PROX1: variants seen among roughly 807,000 people sequenced by gnomAD.
PROX1 encodes the protein prospero homeobox protein 1.
Under a neutral mutation model 58.8 loss-of-function variants are expected in PROX1, and 7 were observed. The observed-to-expected ratio is 0.12, with a 90% confidence interval of 0.07 to 0.22. The LOEUF is 0.22. PROX1 is among the 10% of genes least tolerant of loss of function. The pLI is 1.00. For missense variants in PROX1, 675 were observed against 927.8 expected (o/e 0.73, Z 3.54); for synonymous variants, 350 against 358.3 (o/e 0.98, Z 0.26).
At chr1:213,996,119 T>C (rs2102692288) in intron 1 of PROX1, among the ~76,000 whole-genome samples, 1 of 152,294 alleles carries the variant, frequency 6.6e-6, no homozygotes, top group African/African-American at 2.4e-5. Flanking sequence ...AATATGAATC[T>C]CAATGCCCAA....
chr1:214,017,729 C>T (rs755406326), intron 4 of PROX1, among the ~76,000 whole-genome samples: 2 of 152,120 alleles, frequency 1.3e-5, no homozygotes, highest in Non-Finnish European at 2.9e-5. Flanking sequence ...CGGCTGTACC[C>T]CAACAGGCGA....
At chr1:214,018,286 A>T (rs1401936739) in intron 4 of PROX1, among the ~76,000 whole-genome samples, 1 of 152,226 alleles carries the variant, frequency 6.6e-6, no homozygotes, top group East Asian at 1.9e-4. Context: ...CTGCTCTTAA[A>T]TACATCAATA....
Position 214,035,862 on chromosome 1 carries a change from T to A in PROX1, c.*28T>A. 6.3e-7 allele frequency: 1 copy of A among 1,591,662 alleles called. No homozygotes were observed. Among genetic ancestry groups the A allele is most frequent in the Non-Finnish European group, 8.6e-7 (1 of 1,166,130 alleles). On this transcript the variant is annotated 3_prime_UTR_variant, in exon 5 of 5. Transcript: ENST00000366958. The stretch of plus-strand genomic sequence containing the variant: ...ATTTCAACAACTCTTTTTGAATGTA[T>A]GAAGAGTAGCAGTCCCCTTTGGATG...
At chr1:214,023,296 T>A (rs1664345927) in intron 4 of PROX1, among the ~76,000 whole-genome samples, 1 of 152,198 alleles carries the variant, frequency 6.6e-6, no homozygotes, top group Non-Finnish European at 1.5e-5. Context: ...TTAACTTCTA[T>A]ATAATGTACG....
At chr1:213,987,456 C>G (rs562521290), upstream of PROX1, 1 of 149,270 alleles carries the variant, frequency 6.7e-6, no homozygotes, top group Non-Finnish European at 1.5e-5. Flanking sequence ...CTTTTTCTCC[C>G]GTATACTTTT....
In PROX1 at chr1:214,038,124, G is replaced by A. The variant is rs1664889596; in HGVS notation, c.*2290G>A. On this transcript the variant is annotated 3_prime_UTR_variant, in exon 5 of 5. Transcript: ENST00000366958. ...TTCCCCTCCCTTTCTAATTTAAATA[G>A]ACAAATTAAGCAAAAGTGTGTGTTC... 1 of 152,032 alleles carries A rather than the reference G, an allele frequency of 6.6e-6. No homozygotes were observed. Among genetic ancestry groups the A allele is most frequent in the Non-Finnish European group, 1.5e-5 (1 of 68,018 alleles). 9.4% of individuals were successfully genotyped at this position (152,032 alleles called of 1,614,324 possible).
chr1:213,994,055 G>A (rs1663135094), intron 1 of PROX1, among the ~76,000 whole-genome samples: 1 of 152,188 alleles, frequency 6.6e-6, no homozygotes, highest in African/African-American at 2.4e-5. Context: ...TGCAGCTGTT[G>A]ATACCTAGGC....
chr1:213,992,877 T>C (rs1182313998), intron 1 of PROX1, among the ~76,000 whole-genome samples: 3 of 152,192 alleles, frequency 2.0e-5, no homozygotes, highest in Non-Finnish European at 2.9e-5. Context: ...GCTGCAGTGT[T>C]CCTTTGAAAT....
intron 1 of PROX1, among the ~76,000 whole-genome samples, chr1:213,989,160 G>C (rs998684813): frequency 6.6e-6 from 1 of 152,042 alleles, no homozygotes; most frequent in Non-Finnish European, 1.5e-5. Context: ...GAGGGAGGTG[G>C]GGGGGCGCTC....
intron 4 of PROX1, among the ~76,000 whole-genome samples, chr1:214,033,124 T>C (rs113254333): frequency 9.9e-5 from 15 of 152,268 alleles, no homozygotes; most frequent in African/African-American, 3.6e-4. Context: ...CAGTTCTTGG[T>C]GTGGGCAGGG....
chr1:214,000,955 T>C (rs1454776529), intron 2 of PROX1, among the ~76,000 whole-genome samples: 1 of 152,172 alleles, frequency 6.6e-6, no homozygotes, highest in Non-Finnish European at 1.5e-5. Context: ...TGTACAGTTA[T>C]TCCTCGAAAA....
chr1:214,022,562 C>T (rs1023700966), intron 4 of PROX1, among the ~76,000 whole-genome samples: 1 of 152,142 alleles, frequency 6.6e-6, no homozygotes, highest in Non-Finnish European at 1.5e-5. Context: ...GCTGAAAAGG[C>T]GACACTAGCC....
At chr1:214,032,564 T>G (rs1664695820) in intron 4 of PROX1, among the ~76,000 whole-genome samples, 1 of 152,146 alleles carries the variant, frequency 6.6e-6, no homozygotes, top group African/African-American at 2.4e-5. Flanking sequence ...CAGCTAATTT[T>G]TTTGCATTTT....
At chr1:214,031,318 G>C (rs373179537) in intron 4 of PROX1, among the ~76,000 whole-genome samples, 2 of 152,118 alleles carry the variant, frequency 1.3e-5, no homozygotes, top group Non-Finnish European at 2.9e-5. Flanking sequence ...CTGGGGTGAC[G>C]TTCCTATATT....
chr1:214,007,887 T>C (rs113109426), intron 3 of PROX1, among the ~76,000 whole-genome samples: 2,232 of 152,276 alleles, frequency 0.015, 64 homozygotes, highest in African/African-American at 0.052. Flanking sequence ...TTCTCAGAAA[T>C]GAAACCTGCA....
In PROX1 at chr1:213,988,382, G is replaced by GT. The variant is rs1228913487; in HGVS notation, c.-165dup. The GT allele has an allele frequency of 2.8e-5, 4 of 140,758 alleles. No homozygotes were observed. The highest frequency in any genetic ancestry group is 1.0e-4 in the African/African-American group (4 of 39,412). The allele number at this position is 140,758 out of a possible 1,614,324, so 8.7% of individuals were successfully genotyped here. A position where few individuals can be genotyped will look rare whatever the true frequency, so the allele number is the denominator to read the frequency against. On this transcript the variant is annotated 5_prime_UTR_variant, in exon 1 of 5. Transcript: ENST00000366958. ...GATATCACCGTGTGTGCACTCGCGT[G>GT]TTTTCCTCTCTCTGCCGGGGGAAAA...
chr1:214,023,910 T>TGGGAAGCTGACCATATGTAG (rs1249702322), intron 4 of PROX1, among the ~76,000 whole-genome samples: 1 of 152,208 alleles, frequency 6.6e-6, no homozygotes, highest in African/African-American at 2.4e-5. Flanking sequence ...AGAGAAATGA[T>TGGGAAGCTGACCATATGTAG]GGGAAGCTGA....
At chr1:214,006,809 G>A (rs1313549700) in intron 3 of PROX1, among the ~76,000 whole-genome samples, 1 of 152,126 alleles carries the variant, frequency 6.6e-6, no homozygotes, top group Non-Finnish European at 1.5e-5. Flanking sequence ...AGATGTCCAT[G>A]TTACTCATTC....
chr1:214,007,689 C>T (rs1241123397), intron 3 of PROX1, among the ~76,000 whole-genome samples: 2 of 152,142 alleles, frequency 1.3e-5, no homozygotes, highest in Non-Finnish European at 2.9e-5. Flanking sequence ...CATGGGTTCA[C>T]AATACACATA....
Sources: gnomAD v4.1 joint callset for allele counts (sites outside exome capture counted in the v4.1 genomes callset) on GRCh38, gnomAD v4.1.1 for gene constraint, MANE v1.5 for transcripts, NCBI Gene and HGNC (gene_info 2026-07-23, HGNC 2026-07-21) for gene names.